STX5: variants seen among roughly 807,000 people sequenced by gnomAD.
STX5 encodes the protein syntaxin-5.
A neutral mutation model predicts 42.9 loss-of-function variants in STX5; 15 were observed. The observed-to-expected ratio is 0.35, with a 90% CI of 0.23 to 0.54. STX5 has a LOEUF of 0.54. Ranked by LOEUF, STX5 falls within the 20% of genes least tolerant of loss-of-function variation. The pLI, the probability that STX5 is intolerant of heterozygous loss-of-function variation, is 0.91. For missense variants in STX5, 430 were observed against 455.0 expected (o/e 0.95, Z 0.50); for synonymous variants, 184 against 173.2 (o/e 1.06, Z -0.49).
chr11:62,818,921 T>C (rs188618132), intron 10 of STX5, among the ~76,000 whole-genome samples: 49 of 151,864 alleles, frequency 3.2e-4, no homozygotes, highest in African/African-American at 1.2e-3. Flanking sequence ...GAAAACATCC[T>C]TCAAAAATGA....
At position 62,818,568 on chromosome 11, in the gene STX5, A is replaced by AG. The variant is rs1381933778; in HGVS notation, c.908+5597_908+5598insC. Among the ~76,000 whole-genome samples the AG allele has an allele frequency of 2.0e-5, 3 of 150,886 alleles. No homozygotes were observed. The East Asian group carries it at 5.8e-4, about 29-fold the overall frequency. Reference sequence around the variant, plus strand: ...CAAGAGCAAAAACTCTGTCTCAGAAAAAAAAAAAAAAAAGAATAAATCTGT... The same window carrying AG: ...CAAGAGCAAAAACTCTGTCTCAGAAAGAAAAAAAAAAAAAGAATAAATCTGT... On this transcript the variant is annotated intron_variant, in intron 10 of 10. Transcript: ENST00000294179.
intron 10 of STX5, among the ~76,000 whole-genome samples, chr11:62,816,641 T>C (rs1268864506): frequency 6.6e-6 from 1 of 151,424 alleles, no homozygotes; most frequent in African/African-American, 2.4e-5. Flanking sequence ...TATTACTCCA[T>C]TTCCTTTCTC....
At chr11:62,828,910 C>A (rs1044349082) in intron 2 of STX5, among the ~76,000 whole-genome samples, 3 of 151,756 alleles carry the variant, frequency 2.0e-5, no homozygotes, top group African/African-American at 7.3e-5. Flanking sequence ...ACTAAAAATA[C>A]AAAAATTAGC....
intron 10 of STX5, among the ~76,000 whole-genome samples, chr11:62,813,209 G>A (rs1432902922): frequency 4.6e-5 from 7 of 151,850 alleles, no homozygotes; most frequent in Admixed American, 4.6e-4. Context: ...GGGAGGAAGG[G>A]GTTGCAGTGA....
At chr11:62,813,648 C>T (rs753177816) in intron 10 of STX5, among the ~76,000 whole-genome samples, 3 of 152,230 alleles carry the variant, frequency 2.0e-5, no homozygotes, top group South Asian at 2.1e-4. Context: ...TGCTAGATAC[C>T]GTGGGGAATA....
At chr11:62,821,855 G>C (rs1036245026) in intron 10 of STX5, among the ~76,000 whole-genome samples, 1 of 151,950 alleles carries the variant, frequency 6.6e-6, no homozygotes, top group Non-Finnish European at 1.5e-5. Context: ...GTGAAACCCT[G>C]TCTCCACTAA....
chr11:62,831,341 C>A (rs2084859907), intron 1 of STX5, 79 bp from the exon 2 acceptor site: 7 of 1,067,922 alleles, frequency 6.6e-6, no homozygotes, highest in Non-Finnish European at 9.8e-6. Flanking sequence ...TCAACAAATC[C>A]CCGAGCCCCT....
intron 10 of STX5, among the ~76,000 whole-genome samples, chr11:62,817,279 T>C (rs76409223): frequency 6.6e-6 from 1 of 152,122 alleles, no homozygotes; most frequent in East Asian, 1.9e-4. Flanking sequence ...CATCCCTCTA[T>C]TGAATCTGAC....
At chr11:62,830,192 G>C (rs960600366) in intron 2 of STX5, among the ~76,000 whole-genome samples, 29 of 150,534 alleles carry the variant, frequency 1.9e-4, no homozygotes, top group Admixed American at 1.3e-4. Flanking sequence ...GTAGAAACAG[G>C]GTCTTGCTTT....
At chr11:62,827,084 A>G in intron 5 of STX5, 71 bp downstream of exon 5, 1 of 1,457,958 alleles carries the variant, frequency 6.9e-7, no homozygotes, top group Non-Finnish European at 9.5e-7. Context: ...TCCCCATGGC[A>G]ATGGAAAATG....
chr11:62,815,225 C>T lies in STX5; in HGVS notation c.909-7597G>A, dbSNP rs566503959. On this transcript the variant is annotated intron_variant, in intron 10 of 10. Coordinates refer to ENST00000294179, the MANE Select transcript of STX5 (RefSeq NM_003164.5). ...GTTTCACCATGTTGGCCAAGATGGT[C>T]TTGATCTCTTGAGCTTGTGATCCGC... Among the ~76,000 whole-genome samples, 6 of 152,250 alleles carry T rather than the reference C, an allele frequency of 3.9e-5. No homozygotes were observed. The South Asian group carries it at 1.0e-3, about 26-fold the overall frequency.
In STX5 at chr11:62,824,574, G is replaced by T; in HGVS notation, c.680-9C>A. On this transcript the variant is annotated splice_polypyrimidine_tract_variant and intron_variant, in intron 8 of 10. Coordinates refer to ENST00000294179, the MANE Select transcript of STX5 (RefSeq NM_003164.5). ...AACCACAGCACCACCGCCTGGGGGAGAAAACAGGATGTGGCACACCTTAAC... is the reference window on the plus strand; with the variant it reads ...AACCACAGCACCACCGCCTGGGGGATAAAACAGGATGTGGCACACCTTAAC... 6.2e-7 allele frequency: 1 copy of T among 1,613,622 alleles called. No homozygotes were observed.
intron 2 of STX5, chr11:62,830,401 A>C (rs2084843416): frequency 6.3e-5 from 24 of 379,654 alleles, no homozygotes; most frequent in South Asian, 4.5e-4. Flanking sequence ...AAAATTTTAA[A>C]ATTAGCTGAG....
chr11:62,824,399 T>C, intron 9 of STX5, 60 bp downstream of exon 9: 3 of 1,613,170 alleles, frequency 1.9e-6, no homozygotes, highest in Non-Finnish European at 1.7e-6. Context: ...CCAAACACTC[T>C]CTCGGGAACC....
At chr11:62,815,770 C>G (rs888942010) in intron 10 of STX5, among the ~76,000 whole-genome samples, 10 of 152,110 alleles carry the variant, frequency 6.6e-5, no homozygotes, top group African/African-American at 2.4e-4. Context: ...CTCCTGACCT[C>G]AGGTGATCCG....
chr11:62,829,257 T>A (rs1043593520), intron 2 of STX5, among the ~76,000 whole-genome samples: 3 of 151,264 alleles, frequency 2.0e-5, no homozygotes, highest in Admixed American at 2.0e-4. Flanking sequence ...AAACCCCGTC[T>A]CCACTCAAAA....
intron 8 of STX5, 62 bp from the exon 9 acceptor site, chr11:62,824,627 G>A: frequency 6.6e-7 from 1 of 1,522,116 alleles, no homozygotes; most frequent in Non-Finnish European, 9.1e-7. Flanking sequence ...AAGCCCACAT[G>A]CTCTGGGTTT....
chr11:62,825,380 C>A (rs767503418), intron 6 of STX5, 41 bp from the exon 7 acceptor site: 1 of 1,614,176 alleles, frequency 6.2e-7, no homozygotes, highest in Non-Finnish European at 8.5e-7. Context: ...GAAGGCTCCA[C>A]ATTCTTCCTC....
chr11:62,818,825 G>A (rs1011780736), intron 10 of STX5, among the ~76,000 whole-genome samples: 3 of 150,798 alleles, frequency 2.0e-5, no homozygotes, highest in African/African-American at 7.3e-5. Flanking sequence ...GCATGGGCAA[G>A]AGAGTGAGAC....
Sources: gnomAD v4.1 joint callset for allele counts (sites outside exome capture counted in the v4.1 genomes callset) on GRCh38, gnomAD v4.1.1 for gene constraint, MANE v1.5 for transcripts, NCBI Gene and HGNC (gene_info 2026-07-23, HGNC 2026-07-21) for gene names.